KCNIP4: variants seen among roughly 807,000 people sequenced by gnomAD.
The protein encoded by KCNIP4 is potassium voltage-gated channel interacting protein 4, also known as Kv channel-interacting protein 4.
Under a neutral mutation model 34.0 loss-of-function variants are expected in KCNIP4, and 12 were observed. The ratio of observed to expected loss-of-function variants is 0.35; its 90% CI spans 0.23 to 0.57. The LOEUF (loss-of-function observed/expected upper bound fraction) is 0.57. KCNIP4 is among the 20% of genes least tolerant of loss of function. KCNIP4 has a pLI of 0.83. For missense variants in KCNIP4, 238 were observed against 311.7 expected (o/e 0.76, Z 1.78); for synonymous variants, 124 against 102.2 (o/e 1.21, Z -1.29).
chr4:20,779,376 T>C (rs1393135796), intron 3 of KCNIP4, among the ~76,000 whole-genome samples: 1 of 152,024 alleles, frequency 6.6e-6, no homozygotes, highest in Admixed American at 6.6e-5. Context: ...AATTGCTAAT[T>C]AGTAGTGACT....
chr4:21,858,162 T>C (rs1032374367), intron 1 of KCNIP4, among the ~76,000 whole-genome samples: 5 of 152,214 alleles, frequency 3.3e-5, no homozygotes, highest in Admixed American at 6.5e-5. Flanking sequence ...GCTGGTAGCA[T>C]GAGCTGAGCT....
chr4:21,320,549 A>C (rs745862588), intron 1 of KCNIP4, among the ~76,000 whole-genome samples: 1 of 152,144 alleles, frequency 6.6e-6, no homozygotes, highest in Non-Finnish European at 1.5e-5. Flanking sequence ...TTTTCTACCT[A>C]CTATATTGTT....
At chr4:20,796,112 A>T (rs1250181761) in intron 3 of KCNIP4, among the ~76,000 whole-genome samples, 1 of 152,206 alleles carries the variant, frequency 6.6e-6, no homozygotes, top group Non-Finnish European at 1.5e-5. Context: ...GACTAGGAAA[A>T]TGTGTCGGAT....
chr4:20,815,266 G>T (rs2149437975), intron 3 of KCNIP4, among the ~76,000 whole-genome samples: 1 of 152,246 alleles, frequency 6.6e-6, no homozygotes, highest in South Asian at 2.1e-4. Context: ...TTGCATTGAT[G>T]TTCAAATAAT....
At chr4:21,908,539 T>C (rs1331336137) in intron 1 of KCNIP4, among the ~76,000 whole-genome samples, 1 of 152,128 alleles carries the variant, frequency 6.6e-6, no homozygotes, top group Non-Finnish European at 1.5e-5. Flanking sequence ...AGAGTGAAGT[T>C]TGTGGAAAAC....
chr4:21,401,537 G>T (rs1000102794), intron 1 of KCNIP4, among the ~76,000 whole-genome samples: 8 of 152,116 alleles, frequency 5.3e-5, no homozygotes, highest in Non-Finnish European at 7.4e-5. Context: ...TGAACTTGGG[G>T]TAAATTGATA....
rs529837354 is a variant in KCNIP4, at chr4:20,983,371, C to G, written c.62-100662G>C. Reference sequence around the variant, plus strand: ...ACCCATTTTATATCATAATAAACCACCCGGGTTCACCCCCACACCTCCTAA... The same window carrying G: ...ACCCATTTTATATCATAATAAACCAGCCGGGTTCACCCCCACACCTCCTAA... On this transcript the variant is annotated intron_variant, in intron 1 of 8. Transcript: ENST00000382152. 2.0e-5 allele frequency among the ~76,000 whole-genome samples: 3 copies of G among 152,284 alleles called. No homozygotes were observed. In the South Asian group the frequency reaches 6.2e-4, roughly 32 times the overall value.
chr4:21,812,871 T>G (rs1721744791), intron 1 of KCNIP4, among the ~76,000 whole-genome samples: 1 of 152,196 alleles, frequency 6.6e-6, no homozygotes, highest in Non-Finnish European at 1.5e-5. Context: ...CCAGAAATTC[T>G]GATGTTTCTG....
rs9996899 is a variant in KCNIP4, at chr4:21,329,019, G to A, written c.62-446310C>T. Among the ~76,000 whole-genome samples, 654 of 152,360 alleles carry A rather than the reference G, an allele frequency of 4.3e-3. 5 individuals carry two copies. The highest frequency in any genetic ancestry group is 0.015 in the African/African-American group (607 of 41,590). On this transcript the variant is annotated intron_variant, in intron 1 of 8. Coordinates refer to ENST00000382152, the MANE Select transcript of KCNIP4 (RefSeq NM_025221.6). ...CAGAAATGAAAAAACTGCATTTCTT[G>A]AGAGCAAAGTATCTTTGCCTTCTTT... is the stretch of plus-strand genomic sequence containing the variant.
Position 21,790,897 on chromosome 4 carries a change from C to T in KCNIP4, c.61+157674G>A, listed in dbSNP as rs1013534739. Among the ~76,000 whole-genome samples, 4 of 126,042 alleles carry T rather than the reference C, an allele frequency of 3.2e-5. No homozygotes were observed. The East Asian group carries it at 1.1e-3, about 36-fold the overall frequency. The allele number at this position is 126,042 out of a possible 152,430, so 82.7% of individuals were successfully genotyped here. A position where few individuals can be genotyped will look rare whatever the true frequency, so the allele number is the denominator to read the frequency against. The stretch of plus-strand genomic sequence containing the variant: ...GCATCACAATCTTCATAATTTGTAA[C>T]TTTTAAAAATGCTTAACTCTTGCAT... On this transcript the variant is annotated intron_variant, in intron 1 of 8. Transcript: ENST00000382152.
At chr4:20,905,783 G>C (rs962938553) in intron 1 of KCNIP4, among the ~76,000 whole-genome samples, 1 of 151,860 alleles carries the variant, frequency 6.6e-6, no homozygotes, top group Non-Finnish European at 1.5e-5. Context: ...GCCTCCCAAA[G>C]AGCTGGGATT....
chr4:20,747,904 A>G (rs1441664868), intron 5 of KCNIP4, among the ~76,000 whole-genome samples: 1 of 152,116 alleles, frequency 6.6e-6, no homozygotes, highest in East Asian at 1.9e-4. Context: ...ATAGCTGCCT[A>G]CGCCCATATG....
intron 1 of KCNIP4, among the ~76,000 whole-genome samples, chr4:21,360,906 A>G (rs981288419): frequency 6.6e-6 from 1 of 152,006 alleles, no homozygotes; most frequent in African/African-American, 2.4e-5. Context: ...ATTATTTGCA[A>G]GTTTCAAGTC....
At chr4:21,361,757 C>T (rs186565143) in intron 1 of KCNIP4, among the ~76,000 whole-genome samples, 7 of 151,740 alleles carry the variant, frequency 4.6e-5, no homozygotes, top group East Asian at 3.9e-4. Flanking sequence ...AATGACAAAC[C>T]GAGGGTTGTA....
At chr4:21,308,369 G>A (rs904821673) in intron 1 of KCNIP4, among the ~76,000 whole-genome samples, 1 of 152,086 alleles carries the variant, frequency 6.6e-6, no homozygotes, top group African/African-American at 2.4e-5. Context: ...TCAAGCAGTG[G>A]GCCTAACACA....
intron 1 of KCNIP4, among the ~76,000 whole-genome samples, chr4:21,259,939 A>T (rs1188323901): frequency 7.1e-6 from 1 of 141,310 alleles, no homozygotes; most frequent in East Asian, 2.1e-4. Context: ...GCTTATGTGC[A>T]TTGTGCAATG....
intron 1 of KCNIP4, among the ~76,000 whole-genome samples, chr4:20,978,592 T>C (rs1735715713): frequency 6.6e-6 from 1 of 152,160 alleles, no homozygotes; most frequent in African/African-American, 2.4e-5. Flanking sequence ...TTACATACAG[T>C]ACTTGGATAA....
rs370048531 is a variant in KCNIP4, at chr4:21,825,107, CAT to C, written c.61+123462_61+123463del. Among the ~76,000 whole-genome samples the C allele has an allele frequency of 4.3e-3, 656 of 152,188 alleles. 4 individuals are homozygous for C. Among genetic ancestry groups the C allele is most frequent in the Non-Finnish European group, 7.2e-3 (493 of 68,010 alleles). ...TTTACCACATTCTGGAATTATTTCA[CAT>C]GTTTTCATTTCAGGACTTGACGTAA... On this transcript the variant is annotated intron_variant, in intron 1 of 8. Coordinates refer to ENST00000382152, the MANE Select transcript of KCNIP4 (RefSeq NM_025221.6).
At chr4:21,806,511 T>A (rs150106522) in intron 1 of KCNIP4, among the ~76,000 whole-genome samples, 1 of 152,328 alleles carries the variant, frequency 6.6e-6, no homozygotes, top group East Asian at 1.9e-4. Context: ...TTACAACCTA[T>A]GCAAAAGAGG....
Sources: gnomAD v4.1 joint callset for allele counts (sites outside exome capture counted in the v4.1 genomes callset) on GRCh38, gnomAD v4.1.1 for gene constraint, MANE v1.5 for transcripts, NCBI Gene and HGNC (gene_info 2026-07-23, HGNC 2026-07-21) for gene names.